The following KMT2C variants were observed in gnomAD, a reference collection of about 807,000 sequenced individuals.
The protein encoded by KMT2C is lysine methyltransferase 2C.
In KMT2C, 88 loss-of-function variants were observed where a neutral mutation model predicts 507.9. The ratio of observed to expected loss-of-function variants is 0.17; its 90% CI spans 0.15 to 0.21. The LOEUF is 0.21. Among genes scored for constraint, KMT2C ranks in the 10% least tolerant of loss-of-function variants. The probability of loss-of-function intolerance (pLI) is 1.00; values close to 1 mark genes in which losing one functional copy is unlikely to be tolerated. For missense variants in KMT2C, 4,954 were observed against 5,957.8 expected (o/e 0.83, Z 5.55); for synonymous variants, 2,049 against 2,080.8 (o/e 0.98, Z 0.42).
chr7:152,262,498 T>C (rs999389475), intron 9 of KMT2C, among the ~76,000 whole-genome samples: 29 of 152,214 alleles, frequency 1.9e-4, no homozygotes, highest in African/African-American at 6.0e-4. Context: ...GGTAGGAAGT[T>C]AGTTAATGAG....
intron 6 of KMT2C, among the ~76,000 whole-genome samples, chr7:152,290,273 T>C (rs2096395253): frequency 6.7e-5 from 2 of 29,710 alleles, no homozygotes; most frequent in Non-Finnish European, 6.6e-5. Context: ...TATATATATA[T>C]ATATATATAT....
chr7:152,340,782 A>G (rs1377222446), intron 2 of KMT2C, among the ~76,000 whole-genome samples: 2 of 152,182 alleles, frequency 1.3e-5, no homozygotes, highest in African/African-American at 2.4e-5. Flanking sequence ...ATAATATTTA[A>G]TGTGATTTTT....
chr7:152,261,686 T>C (rs550737170), intron 9 of KMT2C, among the ~76,000 whole-genome samples: 18 of 152,332 alleles, frequency 1.2e-4, no homozygotes, highest in Middle Eastern at 3.4e-3. Flanking sequence ...GGTAAACTTA[T>C]AGTCTTAAAT....
At chr7:152,267,680 A>AAT in intron 7 of KMT2C, among the ~76,000 whole-genome samples, 1 of 152,220 alleles carries the variant, frequency 6.6e-6, no homozygotes, top group Non-Finnish European at 1.5e-5. Context: ...CATCCTGTCT[A>AAT]AATCATTTTC....
intron 1 of KMT2C, among the ~76,000 whole-genome samples, chr7:152,372,148 C>G (rs572999524): frequency 6.6e-6 from 1 of 152,004 alleles, no homozygotes; most frequent in African/African-American, 2.4e-5. Context: ...CAATAAGACA[C>G]AGATTGAATG....
intron 28 of KMT2C, among the ~76,000 whole-genome samples, chr7:152,195,328 G>A (rs2093930629): frequency 6.6e-6 from 1 of 152,086 alleles, no homozygotes; most frequent in African/African-American, 2.4e-5. Flanking sequence ...AAAAACTACT[G>A]AGAAAGTCAC....
rs2129099823 is a variant in KMT2C, at chr7:152,156,266, G to A, written c.11751C>T (p.Ala3917=). 1 of 1,614,070 alleles carries A rather than the reference G, an allele frequency of 6.2e-7. No individual in the cohort carries two copies. Among genetic ancestry groups the A allele is most frequent in the Non-Finnish European group, 8.5e-7 (1 of 1,180,000 alleles). ...TPPPMACQKM[A]NGFATTEELA... ...GTTCTTCAGTTGTTGCAAAACCATT[G>A]GCCATCTTCTGACAAGCCATAGGAG... The change falls in exon 45 of 59, where the codon GCC becomes GCT. Residue 3917 remains alanine (A), a synonymous_variant. Transcript: ENST00000262189.
chr7:152,299,220 A>C lies in KMT2C; in HGVS notation c.849+10746T>G, dbSNP rs2096543267. ...GTAATCCCAGCTACTCAGGAGACTG[A>C]GGCAGGAGAATCGCTTGAACCCAGG... On this transcript the variant is annotated intron_variant, in intron 6 of 58. Coordinates refer to ENST00000262189, the MANE Select transcript of KMT2C (RefSeq NM_170606.3). Among the ~76,000 whole-genome samples the C allele has an allele frequency of 2.6e-5, 4 of 151,994 alleles. No homozygotes were observed. In the South Asian group the frequency reaches 8.3e-4, roughly 32 times the overall value.
intron 34 of KMT2C, among the ~76,000 whole-genome samples, chr7:152,184,919 TA>T (rs1388739423): frequency 6.6e-6 from 1 of 152,184 alleles, no homozygotes; most frequent in Non-Finnish European, 1.5e-5. Flanking sequence ...CATACCCAGC[TA>T]ATTTTTTCAT....
intron 1 of KMT2C, among the ~76,000 whole-genome samples, chr7:152,360,220 G>A (rs937664024): frequency 6.6e-6 from 1 of 152,064 alleles, no homozygotes; most frequent in Non-Finnish European, 1.5e-5. Flanking sequence ...ACTCACGCCT[G>A]TAATCCTAGT....
intron 1 of KMT2C, among the ~76,000 whole-genome samples, chr7:152,416,631 G>A (rs1164716745): frequency 6.6e-6 from 1 of 151,416 alleles, no homozygotes; most frequent in Non-Finnish European, 1.5e-5. Flanking sequence ...GGCTAAGACA[G>A]GAGAACCGCT....
intron 52 of KMT2C, among the ~76,000 whole-genome samples, chr7:152,147,301 A>G (rs548232832): frequency 9.9e-5 from 15 of 152,268 alleles, no homozygotes; most frequent in African/African-American, 3.4e-4. Flanking sequence ...AACTTACGTA[A>G]TATCTGATGT....
chr7:152,413,261 C>T (rs2770507), intron 1 of KMT2C, among the ~76,000 whole-genome samples: 1 of 151,924 alleles, frequency 6.6e-6, no homozygotes, highest in Non-Finnish European at 1.5e-5. Context: ...ACTACTAACG[C>T]GGGCCACCAT....
At chr7:152,293,694 T>C (rs1210049620) in intron 6 of KMT2C, among the ~76,000 whole-genome samples, 1 of 152,210 alleles carries the variant, frequency 6.6e-6, no homozygotes, top group East Asian at 1.9e-4. Flanking sequence ...AAAAGAAAGA[T>C]TAAAATTAAA....
Position 152,250,941 on chromosome 7 carries a change from T to C in KMT2C, c.1647A>G (p.Glu549=). The part of the protein sequence containing the change: ...TTDYNNEMEV[E]GPEDQMVFSE... Reference sequence around the variant, plus strand: ...AGAATACCATTTGATCTTCAGGGCCTTCAACTTCCATTTCATTGTTATAAT... The same window carrying C: ...AGAATACCATTTGATCTTCAGGGCCCTCAACTTCCATTTCATTGTTATAAT... The change falls in exon 12 of 59, where the codon GAA becomes GAG. Residue 549 remains glutamate, a synonymous_variant. Transcript: ENST00000262189. 3.7e-6 allele frequency: 6 copies of C among 1,601,394 alleles called. No individual in the cohort carries two copies. The highest frequency in any genetic ancestry group is 5.1e-6 in the Non-Finnish European group (6 of 1,168,630).
At chr7:152,334,463 A>G (rs1043835912) in intron 2 of KMT2C, among the ~76,000 whole-genome samples, 1 of 152,240 alleles carries the variant, frequency 6.6e-6, no homozygotes, top group Non-Finnish European at 1.5e-5. Flanking sequence ...AAAAAAAGAA[A>G]GAAAGAAAGT....
rs757120596 is a variant in KMT2C, at chr7:152,162,584, C to T, written c.10993G>A (p.Gly3665Ser). Residue 3665 changes from glycine (G) to serine (S), a missense_variant, in exon 43 of 59, where the codon GGC (glycine) becomes AGC (serine). Gly to Ser is a moderately conservative substitution (Grantham distance 56, BLOSUM62 0). Coordinates refer to ENST00000262189, the MANE Select transcript of KMT2C (RefSeq NM_170606.3). ...QADQESVEPV[G>S]PSTPNMAAGQ... is the part of the protein sequence containing the mutation. ...GCTGCCATATTGGGAGTGGATGGGC[C>T]GACTGGTTCCACCGACTCTTGGTCG... is the stretch of plus-strand genomic sequence containing the variant. 8.7e-6 allele frequency: 14 copies of T among 1,614,150 alleles called. No homozygotes were observed. Among genetic ancestry groups the T allele is most frequent in the South Asian group, 7.7e-5 (7 of 91,070 alleles).
intron 1 of KMT2C, among the ~76,000 whole-genome samples, chr7:152,381,968 A>G (rs1401704651): frequency 6.6e-6 from 1 of 152,168 alleles, no homozygotes; most frequent in Non-Finnish European, 1.5e-5. Context: ...TTCCCTCCCA[A>G]GCTATCCCTA....
chr7:152,329,885 C>T (rs1440017758), intron 3 of KMT2C, among the ~76,000 whole-genome samples: 1 of 151,606 alleles, frequency 6.6e-6, no homozygotes, highest in African/African-American at 2.4e-5. Context: ...GTGGCTCATG[C>T]CTGTAATCCC....
Sources: allele counts gnomAD v4.1 joint callset (sites outside exome capture counted in the v4.1 genomes callset), GRCh38; gene constraint gnomAD v4.1.1; transcripts MANE v1.5; gene names NCBI Gene and HGNC (gene_info 2026-07-23, HGNC 2026-07-21).